Variants in ATRNL1 observed in about 807,000 individuals in gnomAD.
The protein encoded by ATRNL1 is attractin-like protein 1.
ATRNL1 carries 95 observed loss-of-function variants against 182.7 expected under a neutral mutation model. That is an observed-to-expected ratio of 0.52 (90% CI 0.44 to 0.62). ATRNL1 has a LOEUF of 0.62. ATRNL1 is among the 20% of genes least tolerant of loss of function. The pLI is 0.00. For synonymous variants in ATRNL1, 576 were observed against 568.3 expected (o/e 1.01, Z -0.19); for missense variants, 1,471 against 1,679.5 (o/e 0.88, Z 2.17).
intron 18 of ATRNL1, among the ~76,000 whole-genome samples, chr10:115,322,442 G>A (rs915365577): frequency 5.3e-5 from 8 of 151,126 alleles, no homozygotes; most frequent in African/African-American, 1.9e-4. Context: ...TGCTTTTATT[G>A]GCAAACATGT....
intron 24 of ATRNL1, among the ~76,000 whole-genome samples, chr10:115,479,990 G>T (rs538438125): frequency 6.6e-6 from 1 of 151,396 alleles, no homozygotes; most frequent in African/African-American, 2.4e-5. Flanking sequence ...AATCTGCAAA[G>T]TGATGTCATA....
At chr10:115,234,078 A>T (rs1006250918) in intron 9 of ATRNL1, among the ~76,000 whole-genome samples, 1 of 151,990 alleles carries the variant, frequency 6.6e-6, no homozygotes, top group Non-Finnish European at 1.5e-5. Flanking sequence ...TCCTATTTTA[A>T]AATAATAAAC....
Position 115,663,980 on chromosome 10 carries a change from T to C in ATRNL1, c.3796-63268T>C, listed in dbSNP as rs1410917158. The stretch of plus-strand genomic sequence containing the variant: ...TTGGCAAATCCCACTGCTTGACCCA[T>C]ACCATTTTCCCACAGCTCCCACTTT... On this transcript the variant is annotated intron_variant, in intron 26 of 28. Transcript: ENST00000355044. 3.3e-5 allele frequency among the ~76,000 whole-genome samples: 5 copies of C among 152,238 alleles called. No homozygotes were observed. The East Asian group carries it at 7.7e-4, about 24-fold the overall frequency.
chr10:115,784,581 G>T (rs1425026739), intron 27 of ATRNL1, among the ~76,000 whole-genome samples: 6 of 152,112 alleles, frequency 3.9e-5, no homozygotes, highest in African/African-American at 1.4e-4. Flanking sequence ...CTCAGTCCTG[G>T]AAGCCAAAAT....
At chr10:115,112,561 A>G (rs1844304498) in intron 1 of ATRNL1, among the ~76,000 whole-genome samples, 1 of 152,212 alleles carries the variant, frequency 6.6e-6, no homozygotes, top group Non-Finnish European at 1.5e-5. Context: ...AAATTCTGCT[A>G]AAATTGAAGC....
rs1174515512 is a variant in ATRNL1, at chr10:115,490,608, A to G, written c.3654+21279A>G. Among the ~76,000 whole-genome samples the G allele has an allele frequency of 2.0e-5, 3 of 152,112 alleles. No homozygotes were observed. In the East Asian group the frequency reaches 5.8e-4, roughly 29 times the overall value. Reference sequence around the variant, plus strand: ...TGTTTTTCTCTAAATTGGTTATTCTAGTTAGCAATTCATCTAACCTTTTTT... The same window carrying G: ...TGTTTTTCTCTAAATTGGTTATTCTGGTTAGCAATTCATCTAACCTTTTTT... On this transcript the variant is annotated intron_variant, in intron 24 of 28. Coordinates refer to ENST00000355044, the MANE Select transcript of ATRNL1 (RefSeq NM_207303.4).
chr10:115,532,759 G>C (rs1851674093), intron 25 of ATRNL1, among the ~76,000 whole-genome samples: 1 of 151,184 alleles, frequency 6.6e-6, no homozygotes, highest in Non-Finnish European at 1.5e-5. Context: ...ATTGGCTGTG[G>C]GTTTGTCATA....
At chr10:115,675,644 A>G (rs1555042739) in intron 26 of ATRNL1, among the ~76,000 whole-genome samples, 1 of 152,054 alleles carries the variant, frequency 6.6e-6, no homozygotes, top group Non-Finnish European at 1.5e-5. Context: ...ATTACAGCAA[A>G]TAAGAACGGA....
chr10:115,703,570 A>G (rs1252357984), intron 26 of ATRNL1, among the ~76,000 whole-genome samples: 4 of 151,916 alleles, frequency 2.6e-5, no homozygotes. Context: ...ATCTAGTAAC[A>G]TTCTGGTTTT....
intron 27 of ATRNL1, among the ~76,000 whole-genome samples, chr10:115,787,120 G>A (rs1423271742): frequency 3.3e-5 from 5 of 152,126 alleles, no homozygotes; most frequent in African/African-American, 1.2e-4. Context: ...CCTAGCCTGG[G>A]ATTTGTTACT....
chr10:115,417,182 A>AGCCT (rs1444511112), intron 20 of ATRNL1, among the ~76,000 whole-genome samples: 1 of 152,168 alleles, frequency 6.6e-6, no homozygotes, highest in Non-Finnish European at 1.5e-5. Flanking sequence ...TTTGGCCTTG[A>AGCCT]GCCTGCAACT....
At chr10:115,738,208 G>A (rs529522852) in intron 27 of ATRNL1, among the ~76,000 whole-genome samples, 3 of 130,238 alleles carry the variant, frequency 2.3e-5, no homozygotes, top group East Asian at 2.4e-4. Flanking sequence ...GCACGATCTC[G>A]GCTCACTGCA....
intron 24 of ATRNL1, among the ~76,000 whole-genome samples, chr10:115,508,054 A>G (rs782330015): frequency 5.3e-5 from 8 of 151,892 alleles, no homozygotes; most frequent in African/African-American, 1.2e-4. Flanking sequence ...TGTTCGTGCA[A>G]TTTTTCCAAT....
intron 8 of ATRNL1, among the ~76,000 whole-genome samples, chr10:115,208,772 CAT>C (rs781794624): frequency 6.6e-6 from 1 of 151,986 alleles, no homozygotes; most frequent in African/African-American, 2.4e-5. Context: ...CAGCTAAAGA[CAT>C]GTGGGACTTT....
chr10:115,305,352 C>G (rs1412477076), intron 17 of ATRNL1, among the ~76,000 whole-genome samples: 2 of 152,100 alleles, frequency 1.3e-5, no homozygotes, highest in Non-Finnish European at 2.9e-5. Flanking sequence ...CCTTCAGGCT[C>G]TTGGCATGAA....
chr10:115,846,121 C>A (rs1385837090), intron 27 of ATRNL1, among the ~76,000 whole-genome samples: 1 of 151,956 alleles, frequency 6.6e-6, no homozygotes, highest in Non-Finnish European at 1.5e-5. Flanking sequence ...AAGTGTAAAA[C>A]CATAGATCAT....
intron 27 of ATRNL1, among the ~76,000 whole-genome samples, chr10:115,744,431 C>T (rs1948231656): frequency 6.6e-6 from 1 of 152,030 alleles, no homozygotes; most frequent in South Asian, 2.1e-4. Flanking sequence ...TCTCTTTCTT[C>T]TTCTGCTACT....
chr10:115,429,413 T>G (rs1345663433), intron 21 of ATRNL1, among the ~76,000 whole-genome samples: 1 of 152,138 alleles, frequency 6.6e-6, no homozygotes, highest in Non-Finnish European at 1.5e-5. Flanking sequence ...AGACCTCTAT[T>G]TCTGGGCTGA....
chr10:115,899,960 C>T (rs782339147), intron 28 of ATRNL1, among the ~76,000 whole-genome samples: 19 of 152,158 alleles, frequency 1.2e-4, no homozygotes, highest in Non-Finnish European at 2.5e-4. Flanking sequence ...AGCCAAGGCA[C>T]TCCTGAAAAT....
Sources: gnomAD v4.1 joint callset for allele counts (sites outside exome capture counted in the v4.1 genomes callset) on GRCh38, gnomAD v4.1.1 for gene constraint, MANE v1.5 for transcripts, NCBI Gene and HGNC (gene_info 2026-07-23, HGNC 2026-07-21) for gene names.